Variants in FBLN7 observed in about 807,000 individuals in gnomAD.
FBLN7 encodes fibulin 7, also known as fibulin-7.
FBLN7 carries 31 observed loss-of-function variants against 44.0 expected under a neutral mutation model. That is an observed-to-expected ratio of 0.70 (90% CI 0.53 to 0.95). The LOEUF (loss-of-function observed/expected upper bound fraction) is 0.95, where lower values mean the gene tolerates loss of function less well. Among genes scored for constraint, FBLN7 ranks in the 40% least tolerant of loss-of-function variants. The pLI is 0.00. For synonymous variants in FBLN7, 262 were observed against 253.4 expected, an observed-to-expected ratio of 1.03 and a Z score of -0.32; for missense variants, 573 against 618.5, an observed-to-expected ratio of 0.93 and a Z score of 0.78.
At position 112,141,899 on chromosome 2, in the gene FBLN7, G is replaced by C. The variant is rs1346344225; in HGVS notation, c.75+3169G>C. Among the ~76,000 whole-genome samples, 4 of 152,156 alleles carry C rather than the reference G, an allele frequency of 2.6e-5. No homozygotes were observed. The East Asian group carries it at 7.7e-4, about 29-fold the overall frequency. On this transcript the variant is annotated intron_variant, in intron 1 of 7. Coordinates refer to ENST00000331203, the MANE Select transcript of FBLN7 (RefSeq NM_153214.3). ...GGCAAAGTGAGCTCACCCAGACTCT[G>C]TACCCGGAACTTCTGGGTCCAATCC...
At chr2:112,165,265 T>A in intron 3 of FBLN7, 94 bp downstream of exon 3, 2 of 1,447,386 alleles carry the variant, frequency 1.4e-6, no homozygotes, top group Non-Finnish European at 1.9e-6. Flanking sequence ...GAACATTTTC[T>A]GCTTGGTTCT....
At chr2:112,238,170 G>A in the FBLN7 span, 1 of 849,102 alleles carries the variant, frequency 1.2e-6, no homozygotes, top group South Asian at 1.8e-5. Flanking sequence ...CTCTGGCCAT[G>A]CAAGCTCATG....
intron 4 of FBLN7, chr2:112,176,057 T>A: frequency 2.4e-6 from 1 of 417,598 alleles, no homozygotes; most frequent in East Asian, 3.9e-5. Context: ...TGACCCTTCT[T>A]ATAGTAGAAA....
At position 112,182,826 on chromosome 2, in the gene FBLN7, C is replaced by T. The variant is rs1294226773; in HGVS notation, c.706C>T (p.Arg236Cys). 22 of 1,610,028 alleles carry T rather than the reference C, an allele frequency of 1.4e-5. No individual in the cohort carries two copies. Among genetic ancestry groups the T allele is most frequent in the Admixed American group, 1.7e-5 (1 of 59,350 alleles). Residue 236 changes from arginine to cysteine, a missense_variant, in exon 6 of 8, where the codon CGC (arginine) becomes TGC (cysteine). Transcript: ENST00000331203. ...NECELYGQEG[R>C]PRLCMHACVN... ...GTGTGAGCTCTACGGGCAGGAGGGG[C>T]GCCCCCGGCTCTGCATGCACGCCTG... is the stretch of plus-strand genomic sequence containing the variant.
the FBLN7 span, among the ~76,000 whole-genome samples, chr2:112,228,822 A>C: frequency 6.6e-6 from 1 of 152,250 alleles, no homozygotes. Context: ...GGATATTTGC[A>C]AATCATGTAT....
the FBLN7 span, among the ~76,000 whole-genome samples, chr2:112,230,463 G>A: frequency 6.6e-6 from 1 of 152,070 alleles, no homozygotes. Flanking sequence ...ATAGTAGAAT[G>A]ACCAAATAAC....
At chr2:112,206,085 T>C in the FBLN7 span, among the ~76,000 whole-genome samples, 1 of 152,216 alleles carries the variant, frequency 6.6e-6, no homozygotes, top group African/African-American at 2.4e-5. Context: ...ATCTACTTCC[T>C]CTTATATGGG....
At chr2:112,165,323 C>T in intron 3 of FBLN7, 152 bp downstream of exon 3, 1 of 947,222 alleles carries the variant, frequency 1.1e-6, no homozygotes. Flanking sequence ...CCTGATCACT[C>T]ACCTCCATGC....
chr2:112,200,605 G>T, the FBLN7 span, among the ~76,000 whole-genome samples: 2 of 152,124 alleles, frequency 1.3e-5, no homozygotes, highest in Non-Finnish European at 2.9e-5. Context: ...CACAATCTCG[G>T]CTCACTGCCA....
At chr2:112,244,199 T>C in the FBLN7 span, among the ~76,000 whole-genome samples, 2 of 152,088 alleles carry the variant, frequency 1.3e-5, no homozygotes, top group Non-Finnish European at 2.9e-5. Flanking sequence ...TACAAAGATA[T>C]TAGAATGAAA....
At chr2:112,181,008 A>G (rs1264325544) in intron 4 of FBLN7, among the ~76,000 whole-genome samples, 1 of 152,108 alleles carries the variant, frequency 6.6e-6, no homozygotes. Context: ...CGCAGCCACA[A>G]AAAAGAATGA....
intron 1 of FBLN7, among the ~76,000 whole-genome samples, chr2:112,140,807 CG>C (rs1484273309): frequency 6.6e-6 from 1 of 152,160 alleles, no homozygotes. Context: ...GTTTCCGAAG[CG>C]GTCCCTTCCC....
At chr2:112,216,215 C>G in the FBLN7 span, 1 of 152,164 alleles carries the variant, frequency 6.6e-6, no homozygotes, top group Admixed American at 6.6e-5. Flanking sequence ...TCACATTTAC[C>G]CACCAGCCAT....
rs558288996 is a variant in FBLN7 at position 112,165,125 on chromosome 2, G to A, written c.360G>A (p.Val120=). 3.7e-6 allele frequency: 6 copies of A among 1,614,212 alleles called. No individual in the cohort carries two copies. The highest frequency in any genetic ancestry group is 2.2e-5 in the East Asian group (1 of 44,890). Residue 120 remains valine (V), a synonymous_variant, in exon 3 of 8, where the codon GTG becomes GTA. Transcript: ENST00000331203. The stretch of plus-strand genomic sequence containing the variant: ...GGCTGGTCGGGCCCAGCAGCGTGGT[G>A]TGTCTTCCCAATGGCACCTGGACAG... ...GFRLVGPSSV[V]CLPNGTWTGE... is the part of the protein sequence containing the mutation.
chr2:112,224,027 T>C, the FBLN7 span, among the ~76,000 whole-genome samples: 1 of 151,984 alleles, frequency 6.6e-6, no homozygotes, highest in South Asian at 2.1e-4. Context: ...TAATCCCAGC[T>C]ACCCAGGAGG....
At chr2:112,236,514 C>A in the FBLN7 span, 1 of 1,596,632 alleles carries the variant, frequency 6.3e-7, no homozygotes, top group South Asian at 1.1e-5. Context: ...AGATCAAGTC[C>A]AAAAGCATGC....
At chr2:112,146,013 G>A (rs1276605312) in intron 1 of FBLN7, among the ~76,000 whole-genome samples, 1 of 152,116 alleles carries the variant, frequency 6.6e-6, no homozygotes, top group Non-Finnish European at 1.5e-5. Flanking sequence ...AGAATCAGTT[G>A]TCTATGCCTA....
the FBLN7 span, chr2:112,236,590 A>C: frequency 3.1e-6 from 5 of 1,613,962 alleles, no homozygotes; most frequent in Admixed American, 8.3e-5. Context: ...GTTCCTCAGC[A>C]AAGCATTTGA....
chr2:112,144,866 G>A (rs1234360407), intron 1 of FBLN7, among the ~76,000 whole-genome samples: 1 of 152,126 alleles, frequency 6.6e-6, no homozygotes, highest in Non-Finnish European at 1.5e-5. Flanking sequence ...CAACCACCGT[G>A]GTGTCATTCC....
Sources: allele counts gnomAD v4.1 joint callset (sites outside exome capture counted in the v4.1 genomes callset), GRCh38; gene constraint gnomAD v4.1.1; transcripts MANE v1.5; gene names NCBI Gene and HGNC (gene_info 2026-07-23, HGNC 2026-07-21).